Variants in NUP210L observed in about 807,000 individuals in gnomAD.
The protein encoded by NUP210L is nuclear pore membrane glycoprotein 210-like.
In NUP210L, 74 loss-of-function variants were observed where a neutral mutation model predicts 208.5. The ratio of observed to expected loss-of-function variants is 0.35; its 90% CI spans 0.29 to 0.43. The LOEUF (loss-of-function observed/expected upper bound fraction) is 0.43. Among genes scored for constraint, NUP210L ranks in the 20% least tolerant of loss-of-function variants. The pLI is 1.00. For synonymous variants in NUP210L, 780 were observed against 816.9 expected (o/e 0.95, Z 0.77); for missense variants, 1,843 against 2,289.4 (o/e 0.81, Z 3.98).
intron 5 of NUP210L, among the ~76,000 whole-genome samples, chr1:154,139,491 C>T (rs1047241473): frequency 3.9e-5 from 6 of 151,936 alleles, no homozygotes; most frequent in African/African-American, 1.2e-4. Flanking sequence ...TATAGATAAA[C>T]ATAAAAAACT....
At chr1:154,079,879 A>C (rs1215792558) in intron 16 of NUP210L, 3 of 152,400 alleles carry the variant, frequency 2.0e-5, no homozygotes, top group Non-Finnish European at 2.9e-5. Context: ...GACAATGTGG[A>C]GCACAAGGCT....
intron 20 of NUP210L, among the ~76,000 whole-genome samples, chr1:154,059,567 C>T (rs1044234699): frequency 6.6e-6 from 1 of 152,108 alleles, no homozygotes; most frequent in African/African-American, 2.4e-5. Flanking sequence ...CAGAATCCAA[C>T]ATATGTATTC....
At chr1:154,076,560 G>A (rs1655052202) in intron 16 of NUP210L, among the ~76,000 whole-genome samples, 1 of 152,054 alleles carries the variant, frequency 6.6e-6, no homozygotes, top group South Asian at 2.1e-4. Flanking sequence ...AAGTTGAAAA[G>A]TACAATAATT....
intron 35 of NUP210L, among the ~76,000 whole-genome samples, chr1:154,006,838 A>ATG (rs1251469177): frequency 1.7e-4 from 24 of 138,314 alleles, no homozygotes; most frequent in Admixed American, 1.2e-3. Flanking sequence ...ATATATATAT[A>ATG]TATGTATATA....
intron 33 of NUP210L, among the ~76,000 whole-genome samples, chr1:154,013,826 G>A (rs1195292955): frequency 6.6e-6 from 1 of 152,042 alleles, no homozygotes; most frequent in Non-Finnish European, 1.5e-5. Flanking sequence ...GTGCACTGGC[G>A]CAATTTCGGC....
At chr1:154,124,038 T>G (rs1657754778) in intron 10 of NUP210L, among the ~76,000 whole-genome samples, 1 of 151,298 alleles carries the variant, frequency 6.6e-6, no homozygotes, top group African/African-American at 2.4e-5. Flanking sequence ...ATTACAAAAA[T>G]TAGCCGGGCG....
At chr1:153,995,775 G>T in intron 37 of NUP210L, 1 of 674,112 alleles carries the variant, frequency 1.5e-6, no homozygotes. Flanking sequence ...CATGTGGCAT[G>T]TGCCCAGGCA....
intron 17 of NUP210L, among the ~76,000 whole-genome samples, chr1:154,063,046 T>C (rs1184653113): frequency 1.3e-5 from 2 of 152,300 alleles, no homozygotes; most frequent in East Asian, 1.9e-4. Flanking sequence ...CCAGGTGCTA[T>C]GTTAGGTAAT....
rs1407664267 is a variant in NUP210L at position 154,012,375 on chromosome 1, C to A, written c.4654-5G>T. 4.3e-6 allele frequency: 7 copies of A among 1,609,342 alleles called. No homozygotes were observed. The highest frequency in any genetic ancestry group is 5.9e-6 in the Non-Finnish European group (7 of 1,178,700). ...TGATGATGCATTGACCACCACCTGT[C>A]AGCAAATCAAAGGAAAATCTGCACC... On this transcript the variant is annotated splice_region_variant and splice_polypyrimidine_tract_variant and intron_variant, in intron 33 of 39. Coordinates refer to ENST00000368559, the Ensembl canonical transcript of NUP210L.
At chr1:154,083,459 C>T (rs1655457972) in intron 16 of NUP210L, among the ~76,000 whole-genome samples, 1 of 152,114 alleles carries the variant, frequency 6.6e-6, no homozygotes, top group Non-Finnish European at 1.5e-5. Flanking sequence ...AGGGGAACCC[C>T]AACTAGAGGC....
At chr1:154,139,715 G>T in intron 5 of NUP210L, 87 bp downstream of exon 5, 11 of 905,432 alleles carry the variant, frequency 1.2e-5, no homozygotes, top group African/African-American at 1.7e-5. Context: ...AGGGCGGGTA[G>T]TGCATTCTTG....
chr1:154,140,791 G>A (rs1248802353), intron 4 of NUP210L, among the ~76,000 whole-genome samples: 1 of 151,010 alleles, frequency 6.6e-6, no homozygotes, highest in African/African-American at 2.4e-5. Context: ...GAACATCCTG[G>A]CTAACAGAGT....
At chr1:153,994,076 CTCTG>C (rs1439738887) in intron 38 of NUP210L, among the ~76,000 whole-genome samples, 1 of 152,060 alleles carries the variant, frequency 6.6e-6, no homozygotes, top group African/African-American at 2.4e-5. Context: ...GATGGAGTCT[CTCTG>C]TGTTGCCCAG....
intron 25 of NUP210L, among the ~76,000 whole-genome samples, chr1:154,053,741 T>C (rs891813060): frequency 5.3e-5 from 8 of 152,210 alleles, no homozygotes; most frequent in Non-Finnish European, 1.0e-4. Flanking sequence ...ACAATGCTTA[T>C]CACTGGCTTG....
intron 23 of NUP210L, among the ~76,000 whole-genome samples, chr1:154,056,063 G>A (rs544049961): frequency 1.8e-4 from 27 of 152,042 alleles, no homozygotes; most frequent in Middle Eastern, 3.4e-3. Context: ...TGTCTCAAAC[G>A]AACAAAAAAA....
At position 154,080,979 on chromosome 1, in the gene NUP210L, AAAAAAAAAAGAAAAG is replaced by A. The variant is rs756689627; in HGVS notation, c.2361+8427_2361+8441del. ...ACAGAGCAAGACTGTGCTTCCGAAA[AAAAAAAAAAGAAAAG>A]AAAAAAAAAGAAAAGAAAAAGAAGG... On this transcript the variant is annotated intron_variant, in intron 16 of 39. Coordinates refer to ENST00000368559, the Ensembl canonical transcript of NUP210L. Among the ~76,000 whole-genome samples the A allele has an allele frequency of 2.4e-3, 368 of 151,756 alleles. 1 individual carries two copies. Among genetic ancestry groups the A allele is most frequent in the Admixed American group, 6.0e-3 (91 of 15,214 alleles).
At chr1:154,114,246 T>C (rs1211632690) in intron 12 of NUP210L, among the ~76,000 whole-genome samples, 2 of 151,952 alleles carry the variant, frequency 1.3e-5, no homozygotes, top group African/African-American at 2.4e-5. Context: ...TAGGCCACGA[T>C]TGTGCCACTG....
At chr1:154,068,662 A>G (rs1328049078) in intron 17 of NUP210L, among the ~76,000 whole-genome samples, 2 of 152,190 alleles carry the variant, frequency 1.3e-5, no homozygotes, top group Non-Finnish European at 2.9e-5. Context: ...CCTGGGTGAC[A>G]GAGCAAGACT....
chr1:154,027,390 A>G, intron 29 of NUP210L, 116 bp downstream of exon 29: 1 of 706,598 alleles, frequency 1.4e-6, no homozygotes, highest in Non-Finnish European at 2.4e-6. Context: ...CACCTCACAC[A>G]AAAAATTATT....
Sources: allele counts gnomAD v4.1 joint callset (sites outside exome capture counted in the v4.1 genomes callset), GRCh38; gene constraint gnomAD v4.1.1; transcripts MANE v1.5; gene names NCBI Gene and HGNC (gene_info 2026-07-23, HGNC 2026-07-21).